The following IFT57 variants were observed in gnomAD, a reference collection of about 807,000 sequenced individuals.
IFT57 encodes the protein intraflagellar transport 57, also known as intraflagellar transport protein 57 homolog.
IFT57 carries 59 observed loss-of-function variants against 56.8 expected under a neutral mutation model. The observed-to-expected ratio is 1.04, with a 90% CI of 0.84 to 1.29. IFT57 has a LOEUF of 1.29. IFT57 is among the 50% of genes most tolerant of loss of function. IFT57 has a pLI of 0.00. For synonymous variants in IFT57, 209 were observed against 186.1 expected, an observed-to-expected ratio of 1.12 and a Z score of -1.00; for missense variants, 470 against 522.1, an observed-to-expected ratio of 0.90 and a Z score of 0.97.
chr3:108,187,597 A>AG (rs68151612), intron 6 of IFT57, among the ~76,000 whole-genome samples: 12,932 of 150,922 alleles, frequency 0.086, 625 homozygotes, highest in Middle Eastern at 0.12. Context: ...TAAAAAAAAA[A>AG]GGGGGGGAGT....
At chr3:108,217,063 T>G (rs892558326) in intron 3 of IFT57, among the ~76,000 whole-genome samples, 15 of 152,090 alleles carry the variant, frequency 9.9e-5, no homozygotes, top group Admixed American at 5.2e-4. Flanking sequence ...TAATTAACAA[T>G]AATATATATT....
At chr3:108,219,638 T>C in intron 1 of IFT57, 66 bp from the exon 2 acceptor site, 1 of 1,470,138 alleles carries the variant, frequency 6.8e-7, no homozygotes, top group Non-Finnish European at 9.4e-7. Context: ...TAATAACTAA[T>C]AGGGCCGAAT....
intron 4 of IFT57, among the ~76,000 whole-genome samples, chr3:108,208,811 G>A (rs2080327821): frequency 6.6e-6 from 1 of 152,182 alleles, no homozygotes; most frequent in Non-Finnish European, 1.5e-5. Context: ...TACTGTACTG[G>A]CTGGCATGAT....
intron 5 of IFT57, among the ~76,000 whole-genome samples, chr3:108,194,541 G>C (rs2080233127): frequency 1.3e-5 from 2 of 151,834 alleles, no homozygotes. Flanking sequence ...AAGCAATCCT[G>C]AGCAAAAAGA....
intron 5 of IFT57, among the ~76,000 whole-genome samples, chr3:108,199,948 TG>T (rs1332169168): frequency 2.6e-5 from 4 of 152,172 alleles, no homozygotes; most frequent in African/African-American, 9.7e-5. Flanking sequence ...AAGCATTGGA[TG>T]GGAGCAGATA....
chr3:108,204,666 A>G lies in IFT57; in HGVS notation c.654+1962T>C, dbSNP rs2080299661. On this transcript the variant is annotated intron_variant, in intron 5 of 10. Coordinates refer to ENST00000264538, the MANE Select transcript of IFT57 (RefSeq NM_018010.4). ...GGTCATCATCATCTCCAACACACAC[A>G]TTAAGTAAACACCAACATTACTAAT... is the stretch of plus-strand genomic sequence containing the variant. Among the ~76,000 whole-genome samples, 2 of 152,202 alleles carry G rather than the reference A, an allele frequency of 1.3e-5. 1 individual carries two copies. The highest frequency in any genetic ancestry group is 3.8e-4 in the East Asian group (2 of 5,198).
chr3:108,209,916 A>ATATG (rs2080334771), intron 4 of IFT57, among the ~76,000 whole-genome samples: 2 of 149,932 alleles, frequency 1.3e-5, no homozygotes, highest in South Asian at 4.2e-4. Context: ...CTTTTTCTAT[A>ATATG]TGTGTGTGTG....
chr3:108,188,378 T>G (rs2080196325), intron 6 of IFT57, among the ~76,000 whole-genome samples: 1 of 152,188 alleles, frequency 6.6e-6, no homozygotes, highest in African/African-American at 2.4e-5. Flanking sequence ...ACCCTAAAGG[T>G]GTATTTCCCA....
chr3:108,197,140 T>G (rs1049500946), intron 5 of IFT57, among the ~76,000 whole-genome samples: 1 of 152,210 alleles, frequency 6.6e-6, no homozygotes, highest in Non-Finnish European at 1.5e-5. Flanking sequence ...CAGTTACTGC[T>G]GCAGAAGAAA....
intron 6 of IFT57, among the ~76,000 whole-genome samples, chr3:108,171,104 T>C (rs540605596): frequency 1.3e-5 from 2 of 152,052 alleles, no homozygotes; most frequent in East Asian, 3.9e-4. Context: ...AATAGTCCCA[T>C]TCTACCTATT....
At chr3:108,167,974 G>T in intron 6 of IFT57, 110 bp from the exon 7 acceptor site, 1 of 655,106 alleles carries the variant, frequency 1.5e-6, no homozygotes, top group Non-Finnish European at 2.5e-6. Context: ...CCCTATTTCA[G>T]GTGGGATAGC....
In IFT57 at chr3:108,218,643, G is replaced by C. The variant is rs2080387131; in HGVS notation, c.386C>G (p.Ala129Gly). The change falls in exon 3 of 11, where the codon GCA becomes GGA. Residue 129 changes from alanine (A) to glycine (G), a missense_variant. By Grantham distance (60) the Ala-to-Gly change is moderately conservative (BLOSUM62 0). Coordinates refer to ENST00000264538, the MANE Select transcript of IFT57 (RefSeq NM_018010.4). ...CTTTAATTTTGAAGGAGGAAAATCTGCAGTTCTTCCCTGAAAAACAAAAGA... is the reference window on the plus strand; with the variant it reads ...CTTTAATTTTGAAGGAGGAAAATCTCCAGTTCTTCCCTGAAAAACAAAAGA... ...LSELRSFGRT[A>G]DFPPSKLKSG... The C allele has an allele frequency of 3.3e-6, 5 of 1,498,870 alleles. No individual in the cohort carries two copies. Among genetic ancestry groups the C allele is most frequent in the Non-Finnish European group, 4.5e-6 (5 of 1,111,956 alleles). 92.8% of individuals were successfully genotyped at this position (1,498,870 alleles called of 1,614,324 possible).
At chr3:108,174,313 G>A (rs562643532) in intron 6 of IFT57, among the ~76,000 whole-genome samples, 1 of 148,396 alleles carries the variant, frequency 6.7e-6, no homozygotes, top group East Asian at 2.0e-4. Flanking sequence ...AACTGCGATA[G>A]TTAAAAGCTT....
chr3:108,218,567 T>G lies in IFT57; in HGVS notation c.462A>C (p.Glu154Asp), dbSNP rs143516795. 6.4e-6 allele frequency: 10 copies of G among 1,559,804 alleles called. No individual in the cohort carries two copies. The highest frequency in any genetic ancestry group is 7.8e-6 in the Non-Finnish European group (9 of 1,156,202). Reference sequence around the variant, plus strand: ...AGGTGAAACCAATATATTTCAATGCTTCTTCAGCGAAGCAATCAAGAACAT... The same window carrying G: ...AGGTGAAACCAATATATTTCAATGCGTCTTCAGCGAAGCAATCAAGAACAT... ...VCYVLDCFAE[E>D]ALKYIGFTWK... Residue 154 changes from glutamate (E) to aspartate (D), a missense_variant, in exon 3 of 11, where the codon GAA becomes GAC. Physicochemically the swap from Glu to Asp is conservative, Grantham distance 45. Coordinates refer to ENST00000264538, the MANE Select transcript of IFT57 (RefSeq NM_018010.4).
At chr3:108,206,729 AATT>A in intron 4 of IFT57, 33 bp from the exon 5 acceptor site, 2 of 714,546 alleles carry the variant, frequency 2.8e-6, no homozygotes, top group Non-Finnish European at 4.0e-6. Context: ...AATTATTAAA[AATT>A]ATAATTAAAA....
chr3:108,170,668 CA>C (rs375732793), intron 6 of IFT57, among the ~76,000 whole-genome samples: 39 of 144,982 alleles, frequency 2.7e-4, no homozygotes, highest in Non-Finnish European at 2.9e-4. Flanking sequence ...CATGTGGAAC[CA>C]AAAAAAAAAA....
At chr3:108,194,489 T>C (rs1229417338) in intron 5 of IFT57, among the ~76,000 whole-genome samples, 1 of 147,398 alleles carries the variant, frequency 6.8e-6, no homozygotes, top group African/African-American at 2.5e-5. Context: ...AAAAAAAAAA[T>C]TCTAAAATTT....
At chr3:108,180,461 CCAGAA>C in intron 6 of IFT57, among the ~76,000 whole-genome samples, 1 of 152,044 alleles carries the variant, frequency 6.6e-6, no homozygotes, top group Non-Finnish European at 1.5e-5. Context: ...CAGTGGAACA[CCAGAA>C]CAGGTGACCC....
At chr3:108,187,168 A>G (rs563153334) in intron 6 of IFT57, among the ~76,000 whole-genome samples, 1 of 152,184 alleles carries the variant, frequency 6.6e-6, no homozygotes, top group African/African-American at 2.4e-5. Context: ...CATTCAAATC[A>G]GCATATAACA....
Sources: gnomAD v4.1 joint callset for allele counts (sites outside exome capture counted in the v4.1 genomes callset) on GRCh38, gnomAD v4.1.1 for gene constraint, MANE v1.5 for transcripts, NCBI Gene and HGNC (gene_info 2026-07-23, HGNC 2026-07-21) for gene names.